The following LGSN variants were observed in gnomAD, a reference collection of about 807,000 sequenced individuals.
LGSN encodes lengsin.
Under a neutral mutation model 19.5 loss-of-function variants are expected in LGSN, and 21 were observed. The observed-to-expected ratio is 1.07, with a 90% CI of 0.76 to 1.55. The LOEUF is 1.55. Ranked by LOEUF, LGSN falls within the 40% of genes most tolerant of loss-of-function variation. The pLI, the probability that LGSN is intolerant of heterozygous loss-of-function variation, is 0.00. For missense variants in LGSN, 673 were observed against 608.5 expected (o/e 1.11, Z -1.12); for synonymous variants, 257 against 215.6 (o/e 1.19, Z -1.68).
At chr6:63,562,771 TTC>T in the LGSN span, among the ~76,000 whole-genome samples, 3 of 152,352 alleles carry the variant, frequency 2.0e-5, no homozygotes, top group South Asian at 6.2e-4. Flanking sequence ...CGCTGCTATA[TTC>T]TCAAAACCCT....
At chr6:63,356,333 A>C in the LGSN span, among the ~76,000 whole-genome samples, 16 of 152,322 alleles carry the variant, frequency 1.1e-4, no homozygotes, top group African/African-American at 2.6e-4. Context: ...TGAAGTCAGG[A>C]GTTCGAGACC....
intron 1 of LGSN, among the ~76,000 whole-genome samples, chr6:63,316,358 T>C (rs1026241568): frequency 1.3e-5 from 2 of 152,152 alleles, no homozygotes; most frequent in Non-Finnish European, 2.9e-5. Context: ...TAGTCAACAG[T>C]GTGTATCAAC....
the LGSN span, among the ~76,000 whole-genome samples, chr6:63,469,114 C>T: frequency 1.2e-4 from 18 of 152,068 alleles, no homozygotes; most frequent in East Asian, 3.8e-4. Flanking sequence ...TATTTACCCT[C>T]GTTAAGTCAC....
upstream of LGSN, among the ~76,000 whole-genome samples, chr6:63,320,418 T>C (rs192141109): frequency 5.9e-5 from 9 of 152,326 alleles, no homozygotes; most frequent in Admixed American, 1.3e-4. Flanking sequence ...TCCACTCATT[T>C]GTAATTCTCA....
intron 3 of LGSN, among the ~76,000 whole-genome samples, chr6:63,285,188 A>G (rs1466147846): frequency 1.3e-5 from 2 of 152,124 alleles, no homozygotes; most frequent in Non-Finnish European, 2.9e-5. Flanking sequence ...TCTAGCAAAT[A>G]TTTTCTATTT....
the LGSN span, among the ~76,000 whole-genome samples, chr6:63,427,374 C>T: frequency 6.6e-6 from 1 of 151,952 alleles, no homozygotes; most frequent in African/African-American, 2.4e-5. Context: ...TTTTTCCACC[C>T]GAGATAATAA....
the LGSN span, chr6:63,441,294 C>A: frequency 4.4e-6 from 2 of 450,256 alleles, no homozygotes; most frequent in South Asian, 2.0e-5. Flanking sequence ...GAACAAGCCG[C>A]AGCACCCACC....
the LGSN span, among the ~76,000 whole-genome samples, chr6:63,491,067 C>A: frequency 1.3e-5 from 2 of 152,036 alleles, no homozygotes; most frequent in East Asian, 1.9e-4. Flanking sequence ...CAATGCTAAG[C>A]TCTTCTGAAA....
the LGSN span, among the ~76,000 whole-genome samples, chr6:63,365,122 C>A: frequency 3.9e-5 from 6 of 152,128 alleles, no homozygotes; most frequent in South Asian, 1.2e-3. Flanking sequence ...GTAAAAAACC[C>A]TTCAAAAAAT....
At chr6:63,440,441 G>A in the LGSN span, among the ~76,000 whole-genome samples, 2 of 152,042 alleles carry the variant, frequency 1.3e-5, no homozygotes, top group Non-Finnish European at 2.9e-5. Flanking sequence ...TCTCTTCACC[G>A]AATAAACCCT....
chr6:63,288,147 G>A (rs1415628727), intron 2 of LGSN, among the ~76,000 whole-genome samples: 2 of 151,832 alleles, frequency 1.3e-5, no homozygotes, highest in African/African-American at 4.8e-5. Context: ...GAGCCTGGGA[G>A]GTGGAAGTTG....
chr6:63,280,786 C>T lies in LGSN; in HGVS notation c.765G>A (p.Glu255=), dbSNP rs373203545. 3.1e-6 allele frequency: 5 copies of T among 1,614,116 alleles called. No individual in the cohort carries two copies. In the African/African-American group the frequency reaches 5.3e-5, roughly 17 times the overall value. ...DGLYHTGANV[E]SFSSSTRPGQ... ...CAGGCCTGGTAGAGGAGGAAAAACT[C>T]TCGACATTGGCTCCAGTGTGATACA... Residue 255 remains glutamate (E), a synonymous_variant, in exon 4 of 4, where the codon GAG becomes GAA. Transcript: ENST00000370657.
the LGSN span, among the ~76,000 whole-genome samples, chr6:63,365,954 T>C: frequency 6.6e-6 from 1 of 152,196 alleles, no homozygotes. Flanking sequence ...TAATAAGAGC[T>C]ATTTATGACA....
chr6:63,464,908 C>A, the LGSN span, among the ~76,000 whole-genome samples: 42 of 151,598 alleles, frequency 2.8e-4, no homozygotes, highest in African/African-American at 9.2e-4. Context: ...TGCCTCTAAT[C>A]CCAGCTACTC....
chr6:63,336,739 C>T, the LGSN span, among the ~76,000 whole-genome samples: 28 of 150,894 alleles, frequency 1.9e-4, no homozygotes, highest in Non-Finnish European at 7.4e-5. Flanking sequence ...GATTCTCCCA[C>T]CTCAGCATCC....
At chr6:63,439,060 T>C in the LGSN span, among the ~76,000 whole-genome samples, 1 of 152,174 alleles carries the variant, frequency 6.6e-6, no homozygotes, top group African/African-American at 2.4e-5. Flanking sequence ...TGTAGGGACA[T>C]GGATGAAATT....
the LGSN span, among the ~76,000 whole-genome samples, chr6:63,465,173 G>A: frequency 1.1e-4 from 16 of 151,746 alleles, no homozygotes; most frequent in East Asian, 1.6e-3. Context: ...TTTCCTTTTC[G>A]TTGTTGTTGC....
chr6:63,390,499 T>G, the LGSN span, among the ~76,000 whole-genome samples: 1 of 152,012 alleles, frequency 6.6e-6, no homozygotes. Context: ...CACCACTTCA[T>G]TGTCAGATTT....
At chr6:63,432,667 G>A in the LGSN span, among the ~76,000 whole-genome samples, 1 of 151,698 alleles carries the variant, frequency 6.6e-6, no homozygotes, top group Non-Finnish European at 1.5e-5. Flanking sequence ...ACTGGAGCCT[G>A]GGCAACAGAG....
Sources: gnomAD v4.1 joint callset for allele counts (sites outside exome capture counted in the v4.1 genomes callset) on GRCh38, gnomAD v4.1.1 for gene constraint, MANE v1.5 for transcripts, NCBI Gene and HGNC (gene_info 2026-07-23, HGNC 2026-07-21) for gene names.